PPP1R12B: variants seen among roughly 807,000 people sequenced by gnomAD.
PPP1R12B encodes protein phosphatase 1 regulatory subunit 12B.
A neutral mutation model predicts 126.1 loss-of-function variants in PPP1R12B; 76 were observed. The ratio of observed to expected loss-of-function variants is 0.60; its 90% CI spans 0.50 to 0.73. The LOEUF is 0.73. Among genes scored for constraint, PPP1R12B ranks in the 30% least tolerant of loss-of-function variants. PPP1R12B has a pLI of 0.00. For synonymous variants in PPP1R12B, 356 were observed against 434.7 expected (o/e 0.82, Z 2.25); for missense variants, 1,052 against 1,205.1 (o/e 0.87, Z 1.88).
rs775137843 is a variant in PPP1R12B, at chr1:202,569,166, G to A, written c.2831G>A (p.Arg944His). The A allele has an allele frequency of 2.0e-5, 33 of 1,613,426 alleles. No homozygotes were observed. The highest frequency in any genetic ancestry group is 2.7e-5 in the African/African-American group (2 of 75,000). ...MEKRERRALERKMSEMEEEMK... is the reference protein window; with the variant it reads ...MEKRERRALEHKMSEMEEEMK... ...AAACAGGAGAGGCGAGCCTTGGAGC[G>A]CAAAATGTCAGAAATGGAGGAAGAA... The change falls in exon 23 of 24, where the codon CGC (arginine) becomes CAC (histidine). Residue 944 changes from arginine to histidine, a missense_variant. Physicochemically the swap from Arg to His is conservative, Grantham distance 29 (BLOSUM62 0). Transcript: ENST00000608999.
intron 18 of PPP1R12B, among the ~76,000 whole-genome samples, chr1:202,501,102 C>CA (rs1440530604): frequency 6.6e-6 from 1 of 152,158 alleles, no homozygotes; most frequent in Non-Finnish European, 1.5e-5. Context: ...TGTTTATCCA[C>CA]GTTAGGTATA....
chr1:202,362,279 C>T (rs1658359024), intron 1 of PPP1R12B, among the ~76,000 whole-genome samples: 1 of 152,010 alleles, frequency 6.6e-6, no homozygotes, highest in Non-Finnish European at 1.5e-5. Flanking sequence ...ATTGTTCCTC[C>T]TTGACAGTAG....
rs547452753 is a variant in PPP1R12B at position 202,502,510 on chromosome 1, C to G, written c.2490+5688C>G. 1.2e-5 allele frequency: 11 copies of G among 949,006 alleles called. No homozygotes were observed. The South Asian group carries it at 3.9e-4, about 34-fold the overall frequency. The allele number at this position is 949,006 out of a possible 1,614,324, so 58.8% of individuals were successfully genotyped here. A position where few individuals can be genotyped will look rare whatever the true frequency, so the allele number is the denominator to read the frequency against. On this transcript the variant is annotated intron_variant, in intron 18 of 23. Coordinates refer to ENST00000608999, the MANE Select transcript of PPP1R12B (RefSeq NM_002481.4). ...TGTAAGCATCTTAATTCAACAAGTG[C>G]TTTTAAGCGCCGATTATGATCAAGC... is the stretch of plus-strand genomic sequence containing the variant.
At chr1:202,535,852 G>A (rs1684477098) in intron 18 of PPP1R12B, among the ~76,000 whole-genome samples, 1 of 152,068 alleles carries the variant, frequency 6.6e-6, no homozygotes, top group Non-Finnish European at 1.5e-5. Flanking sequence ...TGGCTGGGTT[G>A]AAAAAAATTA....
At chr1:202,569,018 G>A (rs1378600421) in intron 22 of PPP1R12B, 129 bp from the exon 23 acceptor site, 3 of 921,202 alleles carry the variant, frequency 3.3e-6, no homozygotes, top group African/African-American at 1.7e-5. Context: ...GATCTCCTGA[G>A]TAAGGTTTGC....
Position 202,454,869 on chromosome 1 carries a change from C to T in PPP1R12B, c.1850+5698C>T, listed in dbSNP as rs576580615. On this transcript the variant is annotated intron_variant, in intron 13 of 23. Transcript: ENST00000608999. ...CCCCGGAGTTTGAGGCTACCATGAACTATTATAACACCACTGTACTCTATC... is the reference window on the plus strand; with the variant it reads ...CCCCGGAGTTTGAGGCTACCATGAATTATTATAACACCACTGTACTCTATC... Among the ~76,000 whole-genome samples, 106 of 152,014 alleles carry T rather than the reference C, an allele frequency of 7.0e-4. 1 individual carries two copies. Among genetic ancestry groups the T allele is most frequent in the Admixed American group, 4.2e-3 (64 of 15,278 alleles).
At chr1:202,376,886 T>C (rs995394849) in intron 1 of PPP1R12B, among the ~76,000 whole-genome samples, 2 of 152,220 alleles carry the variant, frequency 1.3e-5, no homozygotes, top group Non-Finnish European at 2.9e-5. Context: ...CTATGGCCCC[T>C]GAGGCCACGT....
At chr1:202,369,088 A>G (rs1488238622) in intron 1 of PPP1R12B, among the ~76,000 whole-genome samples, 1 of 152,242 alleles carries the variant, frequency 6.6e-6, no homozygotes, top group African/African-American at 2.4e-5. Flanking sequence ...TAAAGTAGAC[A>G]TTGTTACCTT....
At chr1:202,431,657 C>T (rs369245578) in intron 8 of PPP1R12B, 38 bp downstream of exon 8, 95 of 1,570,592 alleles carry the variant, frequency 6.0e-5, no homozygotes, top group Non-Finnish European at 7.9e-5. Context: ...TCCTCTATCT[C>T]CATAGTGTAA....
chr1:202,358,521 A>G (rs928320577), intron 1 of PPP1R12B, among the ~76,000 whole-genome samples: 7 of 152,124 alleles, frequency 4.6e-5, no homozygotes, highest in Admixed American at 1.3e-4. Flanking sequence ...TCTCTACTAA[A>G]TATACAAAAA....
intron 12 of PPP1R12B, among the ~76,000 whole-genome samples, chr1:202,444,061 T>G (rs989575563): frequency 6.6e-6 from 1 of 152,214 alleles, no homozygotes; most frequent in Non-Finnish European, 1.5e-5. Context: ...TAAAAACCTC[T>G]TATGGTCTTT....
chr1:202,548,808 CTA>C (rs370219273), intron 18 of PPP1R12B, among the ~76,000 whole-genome samples: 3,968 of 72,584 alleles, frequency 0.055, 70 homozygotes, highest in African/African-American at 0.071. Context: ...CTCTCTCTCT[CTA>C]TATATATATA....
In PPP1R12B at chr1:202,434,783, C is replaced by T; in HGVS notation, c.1254+15C>T. 2 of 1,612,280 alleles carry T rather than the reference C, an allele frequency of 1.2e-6. No individual in the cohort carries two copies. Among genetic ancestry groups the T allele is most frequent in the Non-Finnish European group, 1.7e-6 (2 of 1,179,534 alleles). ...CTGCTAGGAGGGTGAGTACTTTTTA[C>T]TTAATTTGGGAATTAGATTTCACCC... On this transcript the variant is annotated intron_variant, in intron 9 of 23. Coordinates refer to ENST00000608999, the MANE Select transcript of PPP1R12B (RefSeq NM_002481.4).
rs2148351936 is a variant in PPP1R12B, at chr1:202,349,068, G to A, written c.217G>A (p.Glu73Lys). The A allele has an allele frequency of 6.2e-7, 1 of 1,614,102 alleles. No homozygotes were observed. The highest frequency in any genetic ancestry group is 8.5e-7 in the Non-Finnish European group (1 of 1,180,038). ...CGCCTGCTCTAGCGGGGACACCGACGAGGTGAGAAAGCTTCTGGCAAGAGG... is the reference window on the plus strand; with the variant it reads ...CGCCTGCTCTAGCGGGGACACCGACAAGGTGAGAAAGCTTCTGGCAAGAGG... ...LAACSSGDTD[E>K]VRKLLARGAD... Residue 73 changes from glutamate to lysine, a missense_variant, in exon 1 of 24, where the codon GAG becomes AAG. Glu to Lys is a moderately conservative substitution (Grantham distance 56). Coordinates refer to ENST00000608999, the MANE Select transcript of PPP1R12B (RefSeq NM_002481.4).
At chr1:202,543,361 T>G (rs1464311512) in intron 18 of PPP1R12B, among the ~76,000 whole-genome samples, 3 of 152,202 alleles carry the variant, frequency 2.0e-5, no homozygotes, top group Non-Finnish European at 2.9e-5. Flanking sequence ...AGATTTTTGT[T>G]TACCTTCTCT....
intron 9 of PPP1R12B, among the ~76,000 whole-genome samples, chr1:202,436,675 A>G: frequency 6.6e-6 from 1 of 152,178 alleles, no homozygotes; most frequent in Admixed American, 6.5e-5. Flanking sequence ...AAATGAGATA[A>G]TTAAGGACAA....
At chr1:202,404,458 C>T (rs1199891396) in intron 1 of PPP1R12B, among the ~76,000 whole-genome samples, 2 of 151,722 alleles carry the variant, frequency 1.3e-5, no homozygotes, top group African/African-American at 4.8e-5. Flanking sequence ...TCTCTTTCTT[C>T]TTTATAACTC....
At chr1:202,443,553 A>G (rs1010630227) in intron 12 of PPP1R12B, among the ~76,000 whole-genome samples, 1 of 152,276 alleles carries the variant, frequency 6.6e-6, no homozygotes, top group African/African-American at 2.4e-5. Context: ...CTGTAGATAC[A>G]TTCTATAAGA....
At chr1:202,520,504 G>A (rs916381774) in intron 18 of PPP1R12B, among the ~76,000 whole-genome samples, 3 of 152,214 alleles carry the variant, frequency 2.0e-5, no homozygotes, top group African/African-American at 7.2e-5. Flanking sequence ...AAAGTCTGCT[G>A]CTGTCCCAAG....
Sources: allele counts gnomAD v4.1 joint callset (sites outside exome capture counted in the v4.1 genomes callset), GRCh38; gene constraint gnomAD v4.1.1; transcripts MANE v1.5; gene names NCBI Gene and HGNC (gene_info 2026-07-23, HGNC 2026-07-21).